The following GALNTL6 variants were observed in gnomAD, a reference collection of about 807,000 sequenced individuals.
The protein encoded by GALNTL6 is polypeptide N-acetylgalactosaminyltransferase like 6, also known as polypeptide N-acetylgalactosaminyltransferase-like 6.
A neutral mutation model predicts 73.7 loss-of-function variants in GALNTL6; 46 were observed. The ratio of observed to expected loss-of-function variants is 0.62; its 90% CI spans 0.49 to 0.80. The LOEUF (loss-of-function observed/expected upper bound fraction) is 0.80, where lower values mean the gene tolerates loss of function less well. Among genes scored for constraint, GALNTL6 ranks in the 30% least tolerant of loss-of-function variants. The pLI is 0.00. For synonymous variants in GALNTL6, 259 were observed against 263.7 expected (o/e 0.98, Z 0.17); for missense variants, 604 against 755.0 (o/e 0.80, Z 2.34).
chr4:172,933,902 T>A (rs1748478635), intron 9 of GALNTL6, among the ~76,000 whole-genome samples: 1 of 152,256 alleles, frequency 6.6e-6, no homozygotes, highest in Non-Finnish European at 1.5e-5. Context: ...TCTTCAAAAA[T>A]GTGCACTTTT....
intron 1 of GALNTL6, 85 bp from the exon 2 acceptor site, chr4:171,814,327 A>G: frequency 1.8e-6 from 1 of 550,336 alleles, no homozygotes; most frequent in Non-Finnish European, 3.2e-6. Context: ...TGATTTCTTT[A>G]GTCAAGTCAT....
At chr4:172,746,494 C>T (rs999868822) in intron 5 of GALNTL6, among the ~76,000 whole-genome samples, 4 of 151,878 alleles carry the variant, frequency 2.6e-5, no homozygotes, top group African/African-American at 7.3e-5. Flanking sequence ...GCCTTTTTCT[C>T]AATGTTTCTA....
rs187298024 is a variant in GALNTL6 at position 171,973,261 on chromosome 4, G to A, written c.138+158543G>A. ...CTTTTGGAGAAAAAAGGAGGAGGGCGTGTATCAGTTTGCTAGGGCTGCCAT... is the reference window on the plus strand; with the variant it reads ...CTTTTGGAGAAAAAAGGAGGAGGGCATGTATCAGTTTGCTAGGGCTGCCAT... On this transcript the variant is annotated intron_variant, in intron 2 of 12. Transcript: ENST00000506823. Among the ~76,000 whole-genome samples the A allele has an allele frequency of 2.6e-4, 40 of 152,250 alleles. No homozygotes were observed. The South Asian group carries it at 3.3e-3, about 13-fold the overall frequency.
At chr4:172,727,928 T>C (rs1735916002) in intron 5 of GALNTL6, among the ~76,000 whole-genome samples, 1 of 152,166 alleles carries the variant, frequency 6.6e-6, no homozygotes, top group Non-Finnish European at 1.5e-5. Flanking sequence ...CTTTTTTCTT[T>C]TTGAGACAGA....
chr4:172,563,726 T>G (rs748054568), intron 5 of GALNTL6, among the ~76,000 whole-genome samples: 7 of 152,222 alleles, frequency 4.6e-5, no homozygotes, highest in Non-Finnish European at 1.0e-4. Context: ...TCAAAGAAAA[T>G]ATAACTTATT....
chr4:172,889,292 T>A (rs949524852), intron 8 of GALNTL6, among the ~76,000 whole-genome samples: 3 of 152,202 alleles, frequency 2.0e-5, no homozygotes, highest in Admixed American at 6.5e-5. Flanking sequence ...ACCAGTACTA[T>A]GTCAAATAGG....
chr4:172,560,486 C>CAA (rs199706695), intron 5 of GALNTL6, among the ~76,000 whole-genome samples: 39 of 145,412 alleles, frequency 2.7e-4, no homozygotes, highest in African/African-American at 9.3e-4. Context: ...GAGACTGTCT[C>CAA]AAAAAAAAAA....
At chr4:172,674,881 A>G (rs574898116) in intron 5 of GALNTL6, among the ~76,000 whole-genome samples, 102 of 152,314 alleles carry the variant, frequency 6.7e-4, no homozygotes, top group African/African-American at 2.3e-3. Context: ...GCATTGTTTT[A>G]TCATGACTTT....
intron 5 of GALNTL6, among the ~76,000 whole-genome samples, chr4:172,503,739 T>C (rs1031366855): frequency 6.6e-6 from 1 of 151,344 alleles, no homozygotes; most frequent in Non-Finnish European, 1.5e-5. Context: ...AAAAAAGTAA[T>C]ATTCTAAACA....
intron 5 of GALNTL6, among the ~76,000 whole-genome samples, chr4:172,800,928 CA>C (rs1740606503): frequency 6.6e-6 from 1 of 152,040 alleles, no homozygotes; most frequent in Admixed American, 6.6e-5. Flanking sequence ...TTCATCTAAA[CA>C]GAACAATTAT....
chr4:172,961,370 A>G (rs1750047564), intron 10 of GALNTL6, among the ~76,000 whole-genome samples: 1 of 151,960 alleles, frequency 6.6e-6, no homozygotes, highest in African/African-American at 2.4e-5. Flanking sequence ...CTTGCCTCCC[A>G]GAAAAGCAGA....
chr4:172,698,418 C>T (rs1733818949), intron 5 of GALNTL6, among the ~76,000 whole-genome samples: 2 of 152,148 alleles, frequency 1.3e-5, no homozygotes, highest in South Asian at 4.1e-4. Flanking sequence ...CAGCTTCCTT[C>T]CGCTGAGATC....
intron 5 of GALNTL6, among the ~76,000 whole-genome samples, chr4:172,391,729 T>C (rs1418196721): frequency 1.3e-5 from 2 of 152,152 alleles, no homozygotes; most frequent in Admixed American, 6.5e-5. Flanking sequence ...ACATAATTTC[T>C]AAACAACTGA....
chr4:172,214,698 A>C (rs955305147), intron 2 of GALNTL6, among the ~76,000 whole-genome samples: 1 of 151,876 alleles, frequency 6.6e-6, no homozygotes, highest in Admixed American at 6.6e-5. Context: ...TATTTTTAGT[A>C]GAGACAGGGT....
intron 5 of GALNTL6, among the ~76,000 whole-genome samples, chr4:172,701,251 T>C (rs1734011444): frequency 6.6e-6 from 1 of 152,112 alleles, no homozygotes; most frequent in African/African-American, 2.4e-5. Context: ...TAGACAGACT[T>C]CAGATATTTA....
chr4:172,696,005 T>C (rs919781308), intron 5 of GALNTL6, among the ~76,000 whole-genome samples: 6 of 152,224 alleles, frequency 3.9e-5, no homozygotes, highest in Non-Finnish European at 5.9e-5. Context: ...CATTAAACTT[T>C]AAATTCTCCA....
intron 2 of GALNTL6, among the ~76,000 whole-genome samples, chr4:172,118,542 A>C (rs1733051090): frequency 6.6e-6 from 1 of 152,132 alleles, no homozygotes; most frequent in African/African-American, 2.4e-5. Context: ...TCTACTAAAA[A>C]TACAAAAATT....
intron 5 of GALNTL6, among the ~76,000 whole-genome samples, chr4:172,474,362 T>C (rs759515078): frequency 2.2e-4 from 34 of 152,218 alleles, no homozygotes; most frequent in Non-Finnish European, 4.3e-4. Context: ...TAATTTAATC[T>C]ACTATACAAT....
At chr4:172,229,877 G>A in intron 3 of GALNTL6, 113 bp downstream of exon 3, 1 of 651,616 alleles carries the variant, frequency 1.5e-6, no homozygotes, top group Non-Finnish European at 2.7e-6. Flanking sequence ...TATGTTTCAT[G>A]GGGATATTGG....
Sources: gnomAD v4.1 joint callset for allele counts (sites outside exome capture counted in the v4.1 genomes callset) on GRCh38, gnomAD v4.1.1 for gene constraint, MANE v1.5 for transcripts, NCBI Gene and HGNC (gene_info 2026-07-23, HGNC 2026-07-21) for gene names.